Variants in PIK3C2G observed in about 807,000 individuals in gnomAD.
PIK3C2G encodes the protein phosphatidylinositol-4-phosphate 3-kinase catalytic subunit type 2 gamma, also known as phosphatidylinositol 3-kinase C2 domain-containing subunit gamma.
A neutral mutation model predicts 181.1 loss-of-function variants in PIK3C2G; 168 were observed. The observed-to-expected ratio is 0.93, with a 90% CI of 0.82 to 1.05. The LOEUF (loss-of-function observed/expected upper bound fraction) is 1.05, where lower values mean the gene tolerates loss of function less well. PIK3C2G is among the 50% of genes least tolerant of loss of function. The pLI, the probability that PIK3C2G is intolerant of heterozygous loss-of-function variation, is 0.00. For missense variants in PIK3C2G, 1,869 were observed against 1,732.8 expected, an observed-to-expected ratio of 1.08 and a Z score of -1.40; for synonymous variants, 573 against 592.2, an observed-to-expected ratio of 0.97 and a Z score of 0.47.
intron 32 of PIK3C2G, among the ~76,000 whole-genome samples, chr12:18,642,052 G>A (rs1005801655): frequency 1.3e-5 from 2 of 151,980 alleles, no homozygotes; most frequent in Non-Finnish European, 2.9e-5. Context: ...CCCGGCCTCT[G>A]TCACACTTCT....
At chr12:18,574,872 T>A (rs1946149553) in intron 29 of PIK3C2G, among the ~76,000 whole-genome samples, 1 of 152,196 alleles carries the variant, frequency 6.6e-6, no homozygotes, top group South Asian at 2.1e-4. Context: ...TGGTTTAAAT[T>A]TCTTTTGTTA....
chr12:18,500,585 C>T (rs1383458697), intron 22 of PIK3C2G, among the ~76,000 whole-genome samples: 1 of 152,220 alleles, frequency 6.6e-6, no homozygotes, highest in African/African-American at 2.4e-5. Flanking sequence ...GCGAGATCCA[C>T]TGGGTGACGC....
intron 11 of PIK3C2G, among the ~76,000 whole-genome samples, chr12:18,348,556 C>G (rs145612695): frequency 1.3e-5 from 2 of 152,008 alleles, no homozygotes; most frequent in African/African-American, 2.4e-5. Flanking sequence ...CAAAATCATC[C>G]CAGCCATTCA....
rs77339120 is a variant in PIK3C2G at position 18,272,404 on chromosome 12, C to A, written c.-78-9600C>A. ...ATTCTTTATCAGGAAGCACAAAACA[C>A]CTGGCTGCTTCTCTTCTTGTGATAT... On this transcript the variant is annotated intron_variant, in intron 1 of 32. Coordinates refer to ENST00000538779, the MANE Select transcript of PIK3C2G (RefSeq NM_001288772.2). 3.2e-3 allele frequency among the ~76,000 whole-genome samples: 489 copies of A among 152,180 alleles called. 2 individuals carry two copies. Among genetic ancestry groups the A allele is most frequent in the African/African-American group, 0.012 (479 of 41,520 alleles).
chr12:18,371,096 C>G, intron 12 of PIK3C2G, 84 bp from the exon 13 acceptor site: 1 of 1,114,926 alleles, frequency 9.0e-7, no homozygotes, highest in Non-Finnish European at 1.2e-6. Flanking sequence ...TATCTTTGTC[C>G]CAGACCAGTA....
chr12:18,584,502 A>G lies in PIK3C2G; in HGVS notation c.4012-9992A>G, dbSNP rs986582735. Among the ~76,000 whole-genome samples, 3 of 152,188 alleles carry G rather than the reference A, an allele frequency of 2.0e-5. No homozygotes were observed. In the East Asian group the frequency reaches 5.8e-4, roughly 29 times the overall value. ...TCAGACAAAAGTAAAGAGAAAAAGA[A>G]TGAAAAGAAACGAACAAAACCTCTG... On this transcript the variant is annotated intron_variant, in intron 29 of 32. Coordinates refer to ENST00000538779, the MANE Select transcript of PIK3C2G (RefSeq NM_001288772.2).
chr12:18,580,813 C>A (rs1946458597), intron 29 of PIK3C2G, among the ~76,000 whole-genome samples: 1 of 152,134 alleles, frequency 6.6e-6, no homozygotes, highest in Non-Finnish European at 1.5e-5. Flanking sequence ...TATGGAAATT[C>A]GTTTTTAAAT....
intron 5 of PIK3C2G, among the ~76,000 whole-genome samples, chr12:18,311,389 G>A (rs1950629114): frequency 6.6e-6 from 1 of 151,848 alleles, no homozygotes; most frequent in South Asian, 2.1e-4. Context: ...GTAGTTATAT[G>A]AAAGGTGTAT....
At chr12:18,357,290 G>A (rs1245168210) in intron 11 of PIK3C2G, among the ~76,000 whole-genome samples, 1 of 151,678 alleles carries the variant, frequency 6.6e-6, no homozygotes, top group Non-Finnish European at 1.5e-5. Context: ...GTTTTGTCAG[G>A]AGGTGTGGGT....
At chr12:18,301,703 T>A (rs886196720) in intron 5 of PIK3C2G, among the ~76,000 whole-genome samples, 1 of 152,202 alleles carries the variant, frequency 6.6e-6, no homozygotes, top group East Asian at 1.9e-4. Flanking sequence ...TTATCTCATA[T>A]ATTTTCTTTT....
In PIK3C2G at chr12:18,584,128, C is replaced by T. The variant is rs529020062; in HGVS notation, c.4012-10366C>T. ...ACCACAAGGTCCACCTCCCGGTTCA[C>T]GCCATTCTCCTGCCCCAGCCTCCTG... On this transcript the variant is annotated intron_variant, in intron 29 of 32. Coordinates refer to ENST00000538779, the MANE Select transcript of PIK3C2G (RefSeq NM_001288772.2). Among the ~76,000 whole-genome samples the T allele has an allele frequency of 2.8e-4, 42 of 151,640 alleles. No homozygotes were observed. In the South Asian group the frequency reaches 8.5e-3, roughly 31 times the overall value.
intron 5 of PIK3C2G, among the ~76,000 whole-genome samples, chr12:18,310,268 A>T (rs1043790900): frequency 2.0e-5 from 3 of 151,950 alleles, no homozygotes; most frequent in African/African-American, 7.2e-5. Context: ...TATCAGAAAG[A>T]TGACACAAAA....
intron 5 of PIK3C2G, among the ~76,000 whole-genome samples, chr12:18,299,615 G>C (rs1950092534): frequency 6.6e-6 from 1 of 151,816 alleles, no homozygotes; most frequent in Non-Finnish European, 1.5e-5. Flanking sequence ...ACCTTGTCTT[G>C]TTCTAGTTCT....
chr12:18,647,667 C>A (rs1426477272), intron 32 of PIK3C2G, among the ~76,000 whole-genome samples: 1 of 151,844 alleles, frequency 6.6e-6, no homozygotes, highest in Non-Finnish European at 1.5e-5. Context: ...AGGATTCTTA[C>A]AAAAATAGCC....
intron 5 of PIK3C2G, among the ~76,000 whole-genome samples, chr12:18,306,003 T>C (rs745567609): frequency 6.6e-6 from 1 of 151,970 alleles, no homozygotes; most frequent in Non-Finnish European, 1.5e-5. Context: ...CTTTTGTGAC[T>C]GTGTTACTTA....
chr12:18,312,262 T>A (rs1950669986), intron 5 of PIK3C2G, among the ~76,000 whole-genome samples: 2 of 152,204 alleles, frequency 1.3e-5, no homozygotes, highest in African/African-American at 2.4e-5. Flanking sequence ...TATCTGGCAA[T>A]TCTAGGAAGA....
chr12:18,594,587 T>C lies in PIK3C2G; in HGVS notation c.4087+18T>C, dbSNP rs1947255699. 2.3e-6 allele frequency: 3 copies of C among 1,297,020 alleles called. No homozygotes were observed. Among genetic ancestry groups the C allele is most frequent in the Non-Finnish European group, 3.2e-6 (3 of 941,968 alleles). The allele number at this position is 1,297,020 out of a possible 1,614,324, so 80.3% of individuals were successfully genotyped here. A position where few individuals can be genotyped will look rare whatever the true frequency, so the allele number is the denominator to read the frequency against. On this transcript the variant is annotated intron_variant, in intron 30 of 32. Coordinates refer to ENST00000538779, the MANE Select transcript of PIK3C2G (RefSeq NM_001288772.2). The stretch of plus-strand genomic sequence containing the variant: ...GTACCTAGGTAAGTAAATTTGTCAT[T>C]ATATTACGTACAGTGATTTTCAAAA...
intron 6 of PIK3C2G, among the ~76,000 whole-genome samples, chr12:18,320,747 T>G (rs1951073049): frequency 6.6e-6 from 1 of 152,258 alleles, no homozygotes; most frequent in Non-Finnish European, 1.5e-5. Context: ...CTTTCAGGTT[T>G]ATTCTCAACA....
chr12:18,701,686 C>T, the PIK3C2G span: 1 of 1,612,888 alleles, frequency 6.2e-7, no homozygotes, highest in Non-Finnish European at 8.5e-7. Flanking sequence ...CATTCCTCCA[C>T]CTTACCACGC....
Sources: allele counts gnomAD v4.1 joint callset (sites outside exome capture counted in the v4.1 genomes callset), GRCh38; gene constraint gnomAD v4.1.1; transcripts MANE v1.5; gene names NCBI Gene and HGNC (gene_info 2026-07-23, HGNC 2026-07-21).